The following SAXO1 variants were observed in gnomAD, a reference collection of about 807,000 sequenced individuals.
SAXO1 encodes 4930500O09Rik.
Under a neutral mutation model 17.5 loss-of-function variants are expected in SAXO1, and 21 were observed. The observed-to-expected ratio is 1.20, with a 90% CI of 0.85 to 1.72. The LOEUF (loss-of-function observed/expected upper bound fraction) is 1.72. Ranked by LOEUF, SAXO1 falls within the 40% of genes most tolerant of loss-of-function variation. The pLI is 0.00. For synonymous variants in SAXO1, 274 were observed against 216.5 expected (o/e 1.27, Z -2.33); for missense variants, 843 against 596.0 (o/e 1.41, Z -4.32).
chr9:18,952,008 G>C (rs1347349285), intron 1 of SAXO1, among the ~76,000 whole-genome samples: 1 of 152,196 alleles, frequency 6.6e-6, no homozygotes, highest in Non-Finnish European at 1.5e-5. Context: ...ATAGTATTTA[G>C]CAGTTAAAAT....
chr9:18,986,810 G>C (rs566139338), intron 1 of SAXO1, among the ~76,000 whole-genome samples: 1 of 152,200 alleles, frequency 6.6e-6, no homozygotes, highest in Non-Finnish European at 1.5e-5. Context: ...CAAAGACATT[G>C]TTAGGTTGTA....
At chr9:18,952,327 T>C (rs1451348711) in intron 1 of SAXO1, among the ~76,000 whole-genome samples, 1 of 152,194 alleles carries the variant, frequency 6.6e-6, no homozygotes, top group Non-Finnish European at 1.5e-5. Context: ...ATGCAATACT[T>C]TGGGGAAGTA....
chr9:18,928,493 A>T lies in SAXO1; in HGVS notation c.984T>A (p.Ile328=), dbSNP rs749570047. The T allele has an allele frequency of 2.5e-6, 4 of 1,613,542 alleles. No homozygotes were observed. The highest frequency in any genetic ancestry group is 3.4e-6 in the Non-Finnish European group (4 of 1,179,796). The part of the protein sequence containing the change: ...PAQSCRPALQ[I]KKCGRFEGSS... ...AGCCTTCAAAGCGACCGCACTTCTT[A>T]ATCTGAAGTGCAGGTCGGCAGGACT... The change falls in exon 4 of 4, where the codon ATT becomes ATA. Residue 328 remains isoleucine, a synonymous_variant. Coordinates refer to ENST00000380534, the MANE Select transcript of SAXO1 (RefSeq NM_153707.4).
chr9:19,034,998 T>C (rs1835898666), upstream of SAXO1, among the ~76,000 whole-genome samples: 1 of 152,108 alleles, frequency 6.6e-6, no homozygotes, highest in South Asian at 2.1e-4. Context: ...CAATAGAGGG[T>C]AGAGATCTTG....
chr9:18,928,601 G>A lies in SAXO1; in HGVS notation c.876C>T (p.Ile292=), dbSNP rs750104331. 9 of 1,614,068 alleles carry A rather than the reference G, an allele frequency of 5.6e-6. No individual in the cohort carries two copies. In the South Asian group the frequency reaches 9.9e-5, roughly 18 times the overall value. The stretch of plus-strand genomic sequence containing the variant: ...TCCTGTCTTCGGGAGGGACGTAGGT[G>A]ATGGGAGCTTTGGAGAACATCCGGG... ...PMPRMFSKAP[I]TYVPPEDRMD... is the part of the protein sequence containing the mutation. Residue 292 remains isoleucine, a synonymous_variant, in exon 4 of 4, where the codon ATC becomes ATT. Transcript: ENST00000380534.
At chr9:18,954,307 A>C (rs754370560) in intron 1 of SAXO1, among the ~76,000 whole-genome samples, 1 of 152,030 alleles carries the variant, frequency 6.6e-6, no homozygotes, top group Non-Finnish European at 1.5e-5. Flanking sequence ...AATTAACAAA[A>C]CTTGGAGCAT....
At chr9:19,000,272 G>A (rs1834205005) in intron 1 of SAXO1, among the ~76,000 whole-genome samples, 2 of 151,140 alleles carry the variant, frequency 1.3e-5, no homozygotes, top group African/African-American at 2.4e-5. Context: ...GGGACGTGAG[G>A]AGCGCCTCTG....
chr9:19,036,907 C>T (rs1454086848), upstream of SAXO1, among the ~76,000 whole-genome samples: 3 of 152,140 alleles, frequency 2.0e-5, no homozygotes, highest in Non-Finnish European at 4.4e-5. Flanking sequence ...TCATTGCCAG[C>T]CCATGAAAAC....
At chr9:18,981,794 C>T (rs975183754) in intron 1 of SAXO1, among the ~76,000 whole-genome samples, 6 of 152,170 alleles carry the variant, frequency 3.9e-5, no homozygotes, top group African/African-American at 1.2e-4. Flanking sequence ...AAAAGAAAAA[C>T]TAAACAGAGG....
At chr9:18,951,428 A>T (rs1468817490) in intron 1 of SAXO1, among the ~76,000 whole-genome samples, 2 of 152,180 alleles carry the variant, frequency 1.3e-5, no homozygotes, top group African/African-American at 2.4e-5. Context: ...CACTGTACAC[A>T]AATGACATCA....
chr9:18,993,489 G>C (rs557327232), intron 1 of SAXO1, among the ~76,000 whole-genome samples: 2 of 152,194 alleles, frequency 1.3e-5, no homozygotes, highest in African/African-American at 4.8e-5. Context: ...GGCTCAGCCA[G>C]TTTGGAGGGT....
At chr9:19,016,466 A>C (rs941269254) in intron 1 of SAXO1, among the ~76,000 whole-genome samples, 7 of 149,920 alleles carry the variant, frequency 4.7e-5, no homozygotes, top group South Asian at 4.1e-4. Flanking sequence ...AATAAATAAA[A>C]GCATAACCCA....
chr9:18,960,433 C>T (rs988311416), intron 1 of SAXO1, among the ~76,000 whole-genome samples: 2 of 152,156 alleles, frequency 1.3e-5, no homozygotes, highest in South Asian at 2.1e-4. Flanking sequence ...CCTGTTACTT[C>T]CCTGAAATTT....
At chr9:18,984,840 G>T (rs989198249) in intron 1 of SAXO1, among the ~76,000 whole-genome samples, 1 of 152,128 alleles carries the variant, frequency 6.6e-6, no homozygotes, top group Non-Finnish European at 1.5e-5. Flanking sequence ...TTCACAGCTT[G>T]GCTGTTTGGC....
chr9:18,935,349 A>C (rs1174060207), intron 3 of SAXO1, among the ~76,000 whole-genome samples: 2 of 152,176 alleles, frequency 1.3e-5, no homozygotes, highest in African/African-American at 4.8e-5. Context: ...AAACACATAC[A>C]AAGATCAGGC....
chr9:19,023,872 C>CAGT (rs1207631622), intron 1 of SAXO1, among the ~76,000 whole-genome samples: 1 of 151,950 alleles, frequency 6.6e-6, no homozygotes, highest in Non-Finnish European at 1.5e-5. Context: ...GGGCCAGGCA[C>CAGT]AGTAGCTCCT....
chr9:19,043,382 T>C (rs898938398), intron 1 of SAXO1, among the ~76,000 whole-genome samples: 1 of 152,054 alleles, frequency 6.6e-6, no homozygotes, highest in Non-Finnish European at 1.5e-5. Context: ...AGCAGAAGAA[T>C]GGTTACCAGA....
At chr9:18,939,663 G>C (rs117862610) in intron 3 of SAXO1, among the ~76,000 whole-genome samples, 1 of 152,194 alleles carries the variant, frequency 6.6e-6, no homozygotes, top group African/African-American at 2.4e-5. Context: ...AAGGCCCTGA[G>C]GCTGGAGCAG....
chr9:18,939,744 T>C (rs1374745334), intron 3 of SAXO1, among the ~76,000 whole-genome samples: 5 of 152,346 alleles, frequency 3.3e-5, no homozygotes, highest in Middle Eastern at 3.4e-3. Context: ...TTTATCGTAA[T>C]AGGATCATAT....
Sources: gnomAD v4.1 joint callset for allele counts (sites outside exome capture counted in the v4.1 genomes callset) on GRCh38, gnomAD v4.1.1 for gene constraint, MANE v1.5 for transcripts, NCBI Gene and HGNC (gene_info 2026-07-23, HGNC 2026-07-21) for gene names.